Variants in ZEB1 observed in about 807,000 individuals in gnomAD.
ZEB1 encodes zinc finger E-box binding homeobox 1.
In ZEB1, 21 loss-of-function variants were observed where a neutral mutation model predicts 84.9. The observed-to-expected ratio is 0.25, with a 90% CI of 0.18 to 0.36. The LOEUF (loss-of-function observed/expected upper bound fraction) is 0.36. Among genes scored for constraint, ZEB1 ranks in the 10% least tolerant of loss-of-function variants. The pLI, the probability that ZEB1 is intolerant of heterozygous loss-of-function variation, is 1.00. For synonymous variants in ZEB1, 420 were observed against 471.1 expected, an observed-to-expected ratio of 0.89 and a Z score of 1.41; for missense variants, 1,104 against 1,330.2, an observed-to-expected ratio of 0.83 and a Z score of 2.65.
intron 6 of ZEB1, among the ~76,000 whole-genome samples, chr10:31,516,869 G>A (rs1420556820): frequency 6.6e-6 from 1 of 152,032 alleles, no homozygotes; most frequent in Non-Finnish European, 1.5e-5. Context: ...TTGATTCCAA[G>A]AGAAGATTTT....
intron 1 of ZEB1, chr10:31,363,474 C>T (rs189119588): frequency 1.3e-6 from 2 of 1,532,282 alleles, no homozygotes; most frequent in African/African-American, 1.4e-5. Flanking sequence ...TTCCCTGAGT[C>T]TCCAGGGGCC....
chr10:31,524,203 T>C (rs2072950342), intron 8 of ZEB1, 90 bp downstream of exon 8: 2 of 231,258 alleles, frequency 8.6e-6, no homozygotes, highest in Non-Finnish European at 1.2e-5. Context: ...ATTTTCTTTC[T>C]TTTTTTTTTT....
chr10:31,510,252 A>C (rs2069731155), intron 4 of ZEB1, among the ~76,000 whole-genome samples: 1 of 152,238 alleles, frequency 6.6e-6, no homozygotes. Context: ...ATAATGATAC[A>C]TACCATTGTT....
chr10:31,467,152 G>A (rs1003957047), intron 2 of ZEB1, among the ~76,000 whole-genome samples: 1 of 149,198 alleles, frequency 6.7e-6, no homozygotes, highest in South Asian at 2.1e-4. Flanking sequence ...AGAAACCCGG[G>A]AACACCACTT....
At chr10:31,519,165 C>T (rs1176605573) in intron 6 of ZEB1, among the ~76,000 whole-genome samples, 1 of 152,140 alleles carries the variant, frequency 6.6e-6, no homozygotes, top group African/African-American at 2.4e-5. Context: ...GGCAAACAAG[C>T]CTCAGAGGCT....
At chr10:31,326,432 TAAAG>T (rs2035511783) in intron 1 of ZEB1, among the ~76,000 whole-genome samples, 2 of 152,094 alleles carry the variant, frequency 1.3e-5, no homozygotes, top group African/African-American at 4.8e-5. Flanking sequence ...AGGGAGAAAG[TAAAG>T]GAAGGAGGAA....
chr10:31,447,803 C>A (rs1029114291), intron 1 of ZEB1, among the ~76,000 whole-genome samples: 1 of 152,138 alleles, frequency 6.6e-6, no homozygotes, highest in African/African-American at 2.4e-5. Context: ...GATGGGCTTC[C>A]CTTTGAGGGT....
chr10:31,429,021 G>T (rs2057345061), intron 1 of ZEB1, among the ~76,000 whole-genome samples: 1 of 152,098 alleles, frequency 6.6e-6, no homozygotes, highest in African/African-American at 2.4e-5. Context: ...TATCCAGTTT[G>T]CCATCCTGTG....
intron 3 of ZEB1, 112 bp downstream of exon 3, chr10:31,495,950 A>G: frequency 8.6e-7 from 1 of 1,160,046 alleles, no homozygotes. Flanking sequence ...CTTTTATCTT[A>G]CCTTCCTTAA....
chr10:31,394,745 T>G (rs1484174137), intron 1 of ZEB1, among the ~76,000 whole-genome samples: 1 of 152,242 alleles, frequency 6.6e-6, no homozygotes, highest in Non-Finnish European at 1.5e-5. Context: ...GTCATATGCA[T>G]GTACTACAGA....
rs572478347 is a variant in ZEB1 at position 31,527,929 on chromosome 10, G to A, written c.*665G>A. The A allele has an allele frequency of 1.3e-5, 2 of 152,516 alleles. No homozygotes were observed. The highest frequency in any genetic ancestry group is 1.9e-4 in the East Asian group (1 of 5,188). 9.4% of individuals were successfully genotyped at this position (152,516 alleles called of 1,614,324 possible). On this transcript the variant is annotated 3_prime_UTR_variant, in exon 9 of 9. Coordinates refer to ENST00000424869, the MANE Select transcript of ZEB1 (RefSeq NM_001174096.2). ...GTTAGCCTTAAGAAAGCAGCTGATA[G>A]AAGAACTGAAGTTTCTTACTCACGT...
intron 1 of ZEB1, among the ~76,000 whole-genome samples, chr10:31,451,596 A>G (rs1213668546): frequency 6.6e-6 from 1 of 152,192 alleles, no homozygotes; most frequent in Non-Finnish European, 1.5e-5. Flanking sequence ...ATTTAGTGTG[A>G]ATTATTTTAC....
intron 1 of ZEB1, among the ~76,000 whole-genome samples, chr10:31,438,333 AATAG>A (rs891257128): frequency 5.9e-5 from 9 of 152,230 alleles, no homozygotes; most frequent in Non-Finnish European, 1.2e-4. Flanking sequence ...AAAATAAGAA[AATAG>A]ATCTTATTAT....
chr10:31,433,883 G>A (rs2058006013), intron 1 of ZEB1, among the ~76,000 whole-genome samples: 2 of 152,088 alleles, frequency 1.3e-5, no homozygotes, highest in Admixed American at 1.3e-4. Context: ...AAGTGAAAAG[G>A]GCAAGTACTG....
intron 4 of ZEB1, among the ~76,000 whole-genome samples, chr10:31,504,541 G>A (rs926182944): frequency 1.3e-5 from 2 of 151,984 alleles, no homozygotes; most frequent in Admixed American, 1.3e-4. Flanking sequence ...AGATCGCTCT[G>A]GGCAATATGA....
chr10:31,349,601 A>G (rs1483270021), intron 1 of ZEB1, among the ~76,000 whole-genome samples: 2 of 151,988 alleles, frequency 1.3e-5, no homozygotes, highest in African/African-American at 4.8e-5. Context: ...CATCTTTTTG[A>G]TAATCACCAT....
At chr10:31,496,626 ATTATAC>A (rs997297143) in intron 3 of ZEB1, among the ~76,000 whole-genome samples, 13 of 152,242 alleles carry the variant, frequency 8.5e-5, no homozygotes, top group African/African-American at 3.1e-4. Context: ...TCCTCAAAAT[ATTATAC>A]TTAAACGTAG....
At position 31,361,262 on chromosome 10, in the gene ZEB1, G is replaced by A. The variant is rs2043018816; in HGVS notation, c.58+41970G>A. On this transcript the variant is annotated intron_variant, in intron 1 of 8. Transcript: ENST00000424869. ...GGCTGGAGTGCAGTGGTGCGATCTC[G>A]GCTCACTGCAACCTCCACTTCCCGG... The A allele has an allele frequency of 6.4e-6, 10 of 1,567,194 alleles. No individual in the cohort carries two copies. In the Middle Eastern group the frequency reaches 6.9e-4, roughly 108 times the overall value.
Position 31,471,899 on chromosome 10 carries a change from T to G in ZEB1, c.259+10662T>G, listed in dbSNP as rs533110735. On this transcript the variant is annotated intron_variant, in intron 2 of 8. Coordinates refer to ENST00000424869, the MANE Select transcript of ZEB1 (RefSeq NM_001174096.2). ...GTGCAATCAAACTAGAACTCAGGAT[T>G]AAGAATCTCACTCAAAACCACTCAA... Among the ~76,000 whole-genome samples the G allele has an allele frequency of 4.9e-5, 7 of 143,562 alleles. No individual in the cohort carries two copies. The South Asian group carries it at 1.5e-3, about 30-fold the overall frequency. The allele number at this position is 143,562 out of a possible 152,430, so 94.2% of individuals were successfully genotyped here. A position where few individuals can be genotyped will look rare whatever the true frequency, so the allele number is the denominator to read the frequency against.
Sources: gnomAD v4.1 joint callset for allele counts (sites outside exome capture counted in the v4.1 genomes callset) on GRCh38, gnomAD v4.1.1 for gene constraint, MANE v1.5 for transcripts, NCBI Gene and HGNC (gene_info 2026-07-23, HGNC 2026-07-21) for gene names.